Variants in SRSF11 observed in about 807,000 individuals in gnomAD.
The protein encoded by SRSF11 is serine/arginine-rich splicing factor 11.
Under a neutral mutation model 56.0 loss-of-function variants are expected in SRSF11, and 9 were observed. That is an observed-to-expected ratio of 0.16 (90% CI 0.10 to 0.28). The LOEUF (loss-of-function observed/expected upper bound fraction) is 0.28. SRSF11 is among the 10% of genes least tolerant of loss of function. The probability of loss-of-function intolerance (pLI) is 1.00; values close to 1 mark genes in which losing one functional copy is unlikely to be tolerated. For synonymous variants in SRSF11, 222 were observed against 215.3 expected, an observed-to-expected ratio of 1.03 and a Z score of -0.27; for missense variants, 421 against 600.7, an observed-to-expected ratio of 0.70 and a Z score of 3.13.
chr1:70,221,703 G>A lies in SRSF11; in HGVS notation c.67G>A (p.Gly23Ser). ...PGPSGGPGGG[G>S]GGGGGGGGTE... ...CCCCAGCGGCGGGCCCGGTGGCGGA[G>A]GTGGTGGTGGCGGCGGAGGCGGCGG... is the stretch of plus-strand genomic sequence containing the variant. Residue 23 changes from glycine (G) to serine (S), a missense_variant, in exon 1 of 12, where the codon GGT becomes AGT. Physicochemically the swap from Gly to Ser is moderately conservative, Grantham distance 56 (BLOSUM62 0). Transcript: ENST00000370949. 6.2e-7 allele frequency: 1 copy of A among 1,613,444 alleles called. No individual in the cohort carries two copies. The highest frequency in any genetic ancestry group is 8.5e-7 in the Non-Finnish European group (1 of 1,179,584).
intron 1 of SRSF11, among the ~76,000 whole-genome samples, chr1:70,215,185 A>G (rs372821530): frequency 6.6e-6 from 1 of 152,140 alleles, no homozygotes; most frequent in East Asian, 1.9e-4. Context: ...AGCATGAGCC[A>G]CCACTCCTGG....
intron 1 of SRSF11, among the ~76,000 whole-genome samples, chr1:70,216,316 G>A (rs929554972): frequency 6.6e-6 from 1 of 151,604 alleles, no homozygotes; most frequent in South Asian, 2.1e-4. Context: ...TGTCCTACCT[G>A]TGAATCTTCA....
At chr1:70,239,291 T>C in intron 6 of SRSF11, 148 bp from the exon 7 acceptor site, 1 of 565,172 alleles carries the variant, frequency 1.8e-6, no homozygotes, top group East Asian at 3.1e-5. Context: ...GAGGCCTCAC[T>C]ATATTGCCCA....
chr1:70,229,284 A>G (rs1175819856), intron 2 of SRSF11: 3 of 1,288,390 alleles, frequency 2.3e-6, no homozygotes, highest in Non-Finnish European at 3.0e-6. Context: ...GGGATTCTAG[A>G]CATTAACTAA....
chr1:70,246,938 A>G, intron 9 of SRSF11, 31 bp downstream of exon 9: 1 of 1,561,846 alleles, frequency 6.4e-7, no homozygotes, highest in South Asian at 1.2e-5. Flanking sequence ...CTTGGCAATT[A>G]TTTTTTTAAC....
chr1:70,237,348 A>G (rs1445665687), intron 5 of SRSF11, 77 bp from the exon 6 acceptor site: 19 of 1,564,650 alleles, frequency 1.2e-5, no homozygotes, highest in Non-Finnish European at 1.6e-5. Flanking sequence ...AAATAATGTT[A>G]TATACTTAAG....
intron 1 of SRSF11, among the ~76,000 whole-genome samples, chr1:70,227,956 G>T (rs905658860): frequency 1.3e-5 from 2 of 152,146 alleles, no homozygotes; most frequent in African/African-American, 2.4e-5. Context: ...ATTTTATGCA[G>T]TTCAAGAAAA....
At chr1:70,230,757 G>T in intron 2 of SRSF11, 1 of 1,163,912 alleles carries the variant, frequency 8.6e-7, no homozygotes, top group Admixed American at 4.3e-5. Context: ...AAATTCAAGA[G>T]GATTTTAGTT....
At chr1:70,245,136 G>T (rs192328181) in intron 8 of SRSF11, among the ~76,000 whole-genome samples, 2 of 152,076 alleles carry the variant, frequency 1.3e-5, no homozygotes, top group Non-Finnish European at 2.9e-5. Flanking sequence ...CAGTCTTTTC[G>T]TGTAGAACCA....
intron 1 of SRSF11, among the ~76,000 whole-genome samples, chr1:70,208,326 G>A (rs543269515): frequency 8.7e-6 from 1 of 115,050 alleles, no homozygotes; most frequent in African/African-American, 3.3e-5. Flanking sequence ...ACAGTGTATG[G>A]TGTGTGTGTG....
intron 1 of SRSF11, among the ~76,000 whole-genome samples, chr1:70,228,078 AACT>A (rs1427766029): frequency 6.6e-6 from 1 of 152,204 alleles, no homozygotes; most frequent in Non-Finnish European, 1.5e-5. Flanking sequence ...CTAAGCCCCA[AACT>A]ACTGTTACCT....
chr1:70,210,360 T>C (rs918935286), intron 1 of SRSF11, among the ~76,000 whole-genome samples: 1 of 152,090 alleles, frequency 6.6e-6, no homozygotes, highest in African/African-American at 2.4e-5. Flanking sequence ...TCTCCCCATA[T>C]TGCCCAGACT....
At chr1:70,214,561 A>T (rs560743697) in intron 1 of SRSF11, among the ~76,000 whole-genome samples, 1 of 152,328 alleles carries the variant, frequency 6.6e-6, no homozygotes, top group African/African-American at 2.4e-5. Flanking sequence ...CTGCTCTGTC[A>T]ATTTAAAAAC....
In SRSF11 at chr1:70,239,420, C is replaced by T; in HGVS notation, c.719-19C>T. On this transcript the variant is annotated intron_variant, in intron 6 of 11. Transcript: ENST00000370949. Reference sequence around the variant, plus strand: ...ATTTAATAACTTCTAAATGCAGGTTCCTTTTCTTTTAAATATAGATAAGAA... The same window carrying T: ...ATTTAATAACTTCTAAATGCAGGTTTCTTTTCTTTTAAATATAGATAAGAA... The T allele has an allele frequency of 1.3e-6, 2 of 1,559,004 alleles. No individual in the cohort carries two copies. The highest frequency in any genetic ancestry group is 1.7e-6 in the Non-Finnish European group (2 of 1,143,734).
At chr1:70,212,423 A>C (rs893082843) in intron 1 of SRSF11, among the ~76,000 whole-genome samples, 1 of 151,908 alleles carries the variant, frequency 6.6e-6, no homozygotes, top group African/African-American at 2.4e-5. Context: ...CACCCGGCTA[A>C]TTTTTGTATT....
chr1:70,224,779 C>T (rs1011240341), intron 1 of SRSF11, among the ~76,000 whole-genome samples: 11 of 152,294 alleles, frequency 7.2e-5, no homozygotes, highest in African/African-American at 2.6e-4. Flanking sequence ...GATGGCTTTG[C>T]AGGTATTTGA....
chr1:70,237,092 T>A (rs1194834750), intron 5 of SRSF11, among the ~76,000 whole-genome samples: 1 of 152,114 alleles, frequency 6.6e-6, no homozygotes, highest in Admixed American at 6.5e-5. Flanking sequence ...GGCCCAAAAA[T>A]TTTTAATTTA....
chr1:70,206,352 C>CT (rs1205851356), intron 1 of SRSF11, among the ~76,000 whole-genome samples: 4 of 151,488 alleles, frequency 2.6e-5, no homozygotes, highest in East Asian at 3.9e-4. Context: ...AAGCTCATTC[C>CT]TTTTTTTCAT....
chr1:70,230,569 C>A, intron 2 of SRSF11: 2 of 1,285,074 alleles, frequency 1.6e-6, no homozygotes, highest in Non-Finnish European at 2.0e-6. Context: ...TTTCATGGTT[C>A]TATCAAAGCA....
Sources: allele counts gnomAD v4.1 joint callset (sites outside exome capture counted in the v4.1 genomes callset), GRCh38; gene constraint gnomAD v4.1.1; transcripts MANE v1.5; gene names NCBI Gene and HGNC (gene_info 2026-07-23, HGNC 2026-07-21).